The following ANKRD12 variants were observed in gnomAD, a reference collection of about 807,000 sequenced individuals.
ANKRD12 encodes the protein ankyrin repeat domain 12.
A neutral mutation model predicts 183.4 loss-of-function variants in ANKRD12; 85 were observed. The observed-to-expected ratio is 0.46, with a 90% CI of 0.39 to 0.56. ANKRD12 has a LOEUF of 0.56. Ranked by LOEUF, ANKRD12 falls within the 20% of genes least tolerant of loss-of-function variation. The pLI, the probability that ANKRD12 is intolerant of heterozygous loss-of-function variation, is 0.00. For missense variants in ANKRD12, 2,405 were observed against 2,357.1 expected, an observed-to-expected ratio of 1.02 and a Z score of -0.42; for synonymous variants, 914 against 800.2, an observed-to-expected ratio of 1.14 and a Z score of -2.40.
intron 10 of ANKRD12, 87 bp from the exon 11 acceptor site, chr18:9,275,437 C>A: frequency 1.6e-6 from 2 of 1,222,854 alleles, no homozygotes; most frequent in Non-Finnish European, 2.3e-6. Flanking sequence ...CACACCACTG[C>A]ACTCCAGCCT....
intron 8 of ANKRD12, 77 bp from the exon 9 acceptor site, chr18:9,254,134 T>G (rs1201484696): frequency 3.5e-6 from 5 of 1,432,088 alleles, no homozygotes; most frequent in Non-Finnish European, 4.6e-6. Flanking sequence ...CTATATCTTT[T>G]TCTCAGAAAA....
chr18:9,225,619 C>T (rs1394560973), intron 8 of ANKRD12, among the ~76,000 whole-genome samples: 2 of 152,124 alleles, frequency 1.3e-5, no homozygotes, highest in Admixed American at 1.3e-4. Context: ...TTCGTCATCA[C>T]CAGAACCACC....
At chr18:9,267,539 T>G (rs564032296) in intron 10 of ANKRD12, among the ~76,000 whole-genome samples, 2 of 151,854 alleles carry the variant, frequency 1.3e-5, no homozygotes, top group Non-Finnish European at 2.9e-5. Context: ...CATAACGAAA[T>G]GAAGGCAGAA....
chr18:9,216,276 C>T (rs1025569293), intron 6 of ANKRD12, among the ~76,000 whole-genome samples: 6 of 152,110 alleles, frequency 3.9e-5, no homozygotes, highest in South Asian at 2.1e-4. Context: ...CTTCAGCCTA[C>T]TCACCGTGAA....
intron 2 of ANKRD12, among the ~76,000 whole-genome samples, chr18:9,187,693 T>C (rs1399527829): frequency 1.3e-5 from 2 of 152,206 alleles, no homozygotes; most frequent in Non-Finnish European, 2.9e-5. Flanking sequence ...CCCCATTGAT[T>C]CTAGTTTAGT....
In ANKRD12 at chr18:9,264,176, T is replaced by C. The variant is rs371870884; in HGVS notation, c.5763+288T>C. Among the ~76,000 whole-genome samples, 3 of 152,220 alleles carry C rather than the reference T, an allele frequency of 2.0e-5. No individual in the cohort carries two copies. In the East Asian group the frequency reaches 5.8e-4, roughly 29 times the overall value. On this transcript the variant is annotated intron_variant, in intron 10 of 12. Coordinates refer to ENST00000262126, the MANE Select transcript of ANKRD12 (RefSeq NM_015208.5). ...ATAGCAGTAGATTCCTAGTGGAACA[T>C]TTGGCTTTCCAAGTTTTGGAATCAT... is the stretch of plus-strand genomic sequence containing the variant.
At chr18:9,152,657 TAAAA>T (rs1020446711) in intron 1 of ANKRD12, among the ~76,000 whole-genome samples, 3 of 152,120 alleles carry the variant, frequency 2.0e-5, no homozygotes, top group Non-Finnish European at 2.9e-5. Flanking sequence ...TTACCACACT[TAAAA>T]AAATTTTTTT....
chr18:9,148,428 G>A (rs888554423), intron 1 of ANKRD12, among the ~76,000 whole-genome samples: 1 of 152,132 alleles, frequency 6.6e-6, no homozygotes, highest in African/African-American at 2.4e-5. Context: ...TTGTTAGAAT[G>A]TGATCCTTTA....
At chr18:9,214,016 G>T (rs985131816) in intron 6 of ANKRD12, among the ~76,000 whole-genome samples, 4 of 151,952 alleles carry the variant, frequency 2.6e-5, no homozygotes, top group African/African-American at 9.7e-5. Context: ...ATTTAGCACA[G>T]TGGAAATACT....
chr18:9,264,969 G>C lies in ANKRD12; in HGVS notation c.5763+1081G>C, dbSNP rs563025367. Among the ~76,000 whole-genome samples the C allele has an allele frequency of 2.0e-5, 3 of 152,242 alleles. No individual in the cohort carries two copies. The South Asian group carries it at 6.2e-4, about 32-fold the overall frequency. On this transcript the variant is annotated intron_variant, in intron 10 of 12. Coordinates refer to ENST00000262126, the MANE Select transcript of ANKRD12 (RefSeq NM_015208.5). ...TTCCCACTGAGCAAACGGCATACCAGGAGATTATCTCCTGCGCCTGACTAA... is the reference window on the plus strand; with the variant it reads ...TTCCCACTGAGCAAACGGCATACCACGAGATTATCTCCTGCGCCTGACTAA...
At chr18:9,174,627 C>G (rs2033081292) in intron 1 of ANKRD12, among the ~76,000 whole-genome samples, 1 of 152,210 alleles carries the variant, frequency 6.6e-6, no homozygotes, top group Non-Finnish European at 1.5e-5. Flanking sequence ...CTCCCCAGTG[C>G]TCCTGGGTGG....
At position 9,210,651 on chromosome 18, in the gene ANKRD12, G is replaced by A. The variant is rs544592259; in HGVS notation, c.452-933G>A. ...TGGAAGAATTTCATTTCTTGAACCC[G>A]GGAGGTAGAGGTTGCAGTGAGCCTA... On this transcript the variant is annotated intron_variant, in intron 5 of 12. Transcript: ENST00000262126. 2.5e-3 allele frequency among the ~76,000 whole-genome samples: 363 copies of A among 147,064 alleles called. 1 individual carries two copies. The highest frequency in any genetic ancestry group is 5.1e-3 in the Admixed American group (74 of 14,424).
chr18:9,280,491 CAG>C (rs1421427846), intron 12 of ANKRD12, among the ~76,000 whole-genome samples: 1 of 152,112 alleles, frequency 6.6e-6, no homozygotes, highest in African/African-American at 2.4e-5. Context: ...CAGGATAAAA[CAG>C]AAATGGACTT....
intron 6 of ANKRD12, among the ~76,000 whole-genome samples, chr18:9,213,800 TA>T (rs1303371635): frequency 6.6e-6 from 1 of 151,910 alleles, no homozygotes; most frequent in African/African-American, 2.4e-5. Flanking sequence ...TTATTTTAGT[TA>T]AAATAAGTAT....
chr18:9,139,713 A>G (rs1416737497), intron 1 of ANKRD12, among the ~76,000 whole-genome samples: 1 of 152,176 alleles, frequency 6.6e-6, no homozygotes, highest in Non-Finnish European at 1.5e-5. Context: ...CTGCTTTCTG[A>G]CTTGGAATTT....
chr18:9,238,217 T>G (rs1450018113), intron 8 of ANKRD12, among the ~76,000 whole-genome samples: 1 of 152,200 alleles, frequency 6.6e-6, no homozygotes, highest in Non-Finnish European at 1.5e-5. Context: ...CGTAACTTCC[T>G]CATTTCCTTT....
chr18:9,255,845 C>A lies in ANKRD12; in HGVS notation c.2578C>A (p.Leu860Ile). The change falls in exon 9 of 13, where the codon CTT becomes ATT. Residue 860 changes from leucine to isoleucine, a missense_variant. Leu to Ile is a conservative substitution (Grantham distance 5). Around this residue, in one of 7 missense-constraint regions of ANKRD12, gnomAD observed 1,983 missense variants for 1,725.9 expected, o/e 1.15. Transcript: ENST00000262126. Reference protein sequence around the residue: ...EHKSEKDKLDLSECVDKIKEK... With the variant: ...EHKSEKDKLDISECVDKIKEK... The stretch of plus-strand genomic sequence containing the variant: ...TAAGTCAGAAAAAGACAAATTAGAT[C>A]TTAGTGAATGTGTTGATAAAATAAA... 1.9e-6 allele frequency: 3 copies of A among 1,581,608 alleles called. No homozygotes were observed. The South Asian group carries it at 3.6e-5, about 19-fold the overall frequency.
chr18:9,179,122 T>C (rs532700556), intron 1 of ANKRD12, among the ~76,000 whole-genome samples: 1 of 152,348 alleles, frequency 6.6e-6, no homozygotes, highest in South Asian at 2.1e-4. Context: ...ATATTGACCA[T>C]GTATTCTATG....
At chr18:9,173,617 G>C (rs1039423205) in intron 1 of ANKRD12, among the ~76,000 whole-genome samples, 3 of 90,920 alleles carry the variant, frequency 3.3e-5, no homozygotes, top group South Asian at 6.7e-4. Flanking sequence ...GTGGGGTGGT[G>C]GGGGGGGGGT....
Sources: allele counts gnomAD v4.1 joint callset (sites outside exome capture counted in the v4.1 genomes callset), GRCh38; gene constraint gnomAD v4.1.1; regional missense constraint gnomAD v4.1.1; transcripts MANE v1.5; gene names NCBI Gene and HGNC (gene_info 2026-07-23, HGNC 2026-07-21).